Variants in ZNF804B observed in about 807,000 individuals in gnomAD.
The protein encoded by ZNF804B is zinc finger 804B.
Under a neutral mutation model 101.4 loss-of-function variants are expected in ZNF804B, and 80 were observed. The observed-to-expected ratio is 0.79, with a 90% CI of 0.66 to 0.95. The LOEUF is 0.95. Ranked by LOEUF, ZNF804B falls within the 40% of genes least tolerant of loss-of-function variation. The pLI, the probability that ZNF804B is intolerant of heterozygous loss-of-function variation, is 0.00. For missense variants in ZNF804B, 1,673 were observed against 1,561.9 expected, an observed-to-expected ratio of 1.07 and a Z score of -1.20; for synonymous variants, 622 against 558.8, an observed-to-expected ratio of 1.11 and a Z score of -1.59.
chr7:88,934,667 G>A (rs1160104803), intron 1 of ZNF804B, among the ~76,000 whole-genome samples: 1 of 151,784 alleles, frequency 6.6e-6, no homozygotes. Context: ...TATTAGGGAG[G>A]TGCAAATTAA....
chr7:89,071,781 T>TACACACACACAC (rs36061852), intron 1 of ZNF804B, among the ~76,000 whole-genome samples: 103 of 147,838 alleles, frequency 7.0e-4, no homozygotes, highest in South Asian at 2.5e-3. Context: ...CACACAAATG[T>TACACACACACAC]ACACACACAC....
intron 1 of ZNF804B, among the ~76,000 whole-genome samples, chr7:88,930,914 GA>G (rs2116019148): frequency 6.6e-6 from 1 of 151,954 alleles, no homozygotes; most frequent in East Asian, 1.9e-4. Flanking sequence ...CCCCTGCAAG[GA>G]AATGTCCTTC....
At chr7:89,132,048 G>A (rs1271980051) in intron 1 of ZNF804B, among the ~76,000 whole-genome samples, 1 of 151,884 alleles carries the variant, frequency 6.6e-6, no homozygotes, top group Non-Finnish European at 1.5e-5. Flanking sequence ...TTCACTGAGA[G>A]TTTATTGAAA....
At chr7:89,109,881 G>GATGTATATATAT (rs1790189840) in intron 1 of ZNF804B, among the ~76,000 whole-genome samples, 5 of 152,036 alleles carry the variant, frequency 3.3e-5, no homozygotes, top group Admixed American at 2.0e-4. Context: ...CATCTCACCT[G>GATGTATATATAT]ATACACTTTT....
rs575252084 is a variant in ZNF804B at position 89,279,625 on chromosome 7, A to T, written c.250-47719A>T. Among the ~76,000 whole-genome samples, 28 of 152,050 alleles carry T rather than the reference A, an allele frequency of 1.8e-4. No individual in the cohort carries two copies. In the South Asian group the frequency reaches 4.4e-3, roughly 24 times the overall value. ...TTGAGATAATCTTGTGGTTTTTGTC[A>T]TTGGTTCTGTTTATATGCTGGATTA... On this transcript the variant is annotated intron_variant, in intron 2 of 3. Transcript: ENST00000333190.
intron 1 of ZNF804B, among the ~76,000 whole-genome samples, chr7:88,908,599 A>T (rs558617197): frequency 5.9e-5 from 9 of 151,902 alleles, no homozygotes; most frequent in Admixed American, 1.3e-4. Context: ...GTGTTTTTTT[A>T]AAAAAATTGA....
intron 2 of ZNF804B, among the ~76,000 whole-genome samples, chr7:89,298,070 T>C (rs561150462): frequency 2.1e-5 from 3 of 145,320 alleles, no homozygotes; most frequent in East Asian, 4.0e-4. Context: ...AGGTAAAATT[T>C]CCATTCAGTG....
intron 2 of ZNF804B, among the ~76,000 whole-genome samples, chr7:89,281,786 A>C (rs1204836420): frequency 6.6e-6 from 1 of 152,200 alleles, no homozygotes; most frequent in Non-Finnish European, 1.5e-5. Context: ...AGTAAGATAT[A>C]GTATTAATGG....
chr7:88,802,285 T>C (rs1329677590), intron 1 of ZNF804B, among the ~76,000 whole-genome samples: 1 of 152,140 alleles, frequency 6.6e-6, no homozygotes, highest in African/African-American at 2.4e-5. Context: ...ACTAGTAATA[T>C]CTTTCTTCAG....
chr7:89,330,355 C>T (rs902690835), intron 3 of ZNF804B, among the ~76,000 whole-genome samples: 2 of 151,408 alleles, frequency 1.3e-5, no homozygotes, highest in Non-Finnish European at 3.0e-5. Flanking sequence ...TGAAATTTGC[C>T]AAGAGAGTGA....
At chr7:89,095,891 C>T (rs995996078) in intron 1 of ZNF804B, among the ~76,000 whole-genome samples, 1 of 152,162 alleles carries the variant, frequency 6.6e-6, no homozygotes, top group African/African-American at 2.4e-5. Context: ...TCAACTCACG[C>T]CTGTAATCCC....
At chr7:88,989,347 A>G (rs1421806741) in intron 1 of ZNF804B, among the ~76,000 whole-genome samples, 1 of 152,086 alleles carries the variant, frequency 6.6e-6, no homozygotes, top group African/African-American at 2.4e-5. Context: ...TGTTTTGTTC[A>G]TATTAGGAGA....
chr7:89,183,742 G>GA (rs1369970683), intron 1 of ZNF804B, among the ~76,000 whole-genome samples: 1 of 152,154 alleles, frequency 6.6e-6, no homozygotes, highest in Non-Finnish European at 1.5e-5. Context: ...ATTTTATGAA[G>GA]AAAAATATGA....
At chr7:89,218,761 A>G (rs998548613) in intron 2 of ZNF804B, among the ~76,000 whole-genome samples, 2 of 152,170 alleles carry the variant, frequency 1.3e-5, no homozygotes, top group Non-Finnish European at 2.9e-5. Flanking sequence ...TATTATTACA[A>G]TAAAGTAAGC....
At chr7:88,908,904 T>C (rs1792510112) in intron 1 of ZNF804B, among the ~76,000 whole-genome samples, 1 of 151,798 alleles carries the variant, frequency 6.6e-6, no homozygotes, top group Admixed American at 6.6e-5. Context: ...AATGATTATA[T>C]TGTTCAAGAT....
At chr7:88,781,782 C>A (rs1023403479) in intron 1 of ZNF804B, among the ~76,000 whole-genome samples, 2 of 152,042 alleles carry the variant, frequency 1.3e-5, no homozygotes, top group African/African-American at 2.4e-5. Context: ...TTCTTTCTGC[C>A]ATGTGTGAGT....
chr7:89,125,694 A>G (rs1361400734), intron 1 of ZNF804B, among the ~76,000 whole-genome samples: 4 of 152,220 alleles, frequency 2.6e-5, no homozygotes, highest in Non-Finnish European at 5.9e-5. Flanking sequence ...TTCCTTCAGT[A>G]TCTTAGCGTG....
At chr7:89,086,433 A>G (rs993406268) in intron 1 of ZNF804B, among the ~76,000 whole-genome samples, 8 of 151,980 alleles carry the variant, frequency 5.3e-5, no homozygotes, top group African/African-American at 1.9e-4. Context: ...TAGCTAGTGC[A>G]TTTACCAAAC....
At chr7:88,906,023 G>T (rs139771483) in intron 1 of ZNF804B, among the ~76,000 whole-genome samples, 1 of 151,370 alleles carries the variant, frequency 6.6e-6, no homozygotes, top group African/African-American at 2.4e-5. Flanking sequence ...GTGTTTCCAG[G>T]AATTTATCCA....
Sources: gnomAD v4.1 joint callset for allele counts (sites outside exome capture counted in the v4.1 genomes callset) on GRCh38, gnomAD v4.1.1 for gene constraint, MANE v1.5 for transcripts, NCBI Gene and HGNC (gene_info 2026-07-23, HGNC 2026-07-21) for gene names.